Variants in FARP1 observed in about 807,000 individuals in gnomAD.
FARP1 encodes FERM, ARHGEF and pleckstrin domain-containing protein 1.
FARP1 carries 52 observed loss-of-function variants against 128.8 expected under a neutral mutation model. The observed-to-expected ratio is 0.40, with a 90% CI of 0.32 to 0.51. FARP1 has a LOEUF of 0.51. FARP1 is among the 20% of genes least tolerant of loss of function. The probability of loss-of-function intolerance (pLI) is 0.45; values close to 1 mark genes in which losing one functional copy is unlikely to be tolerated. For synonymous variants in FARP1, 580 were observed against 551.8 expected, an observed-to-expected ratio of 1.05 and a Z score of -0.72; for missense variants, 1,333 against 1,367.9, an observed-to-expected ratio of 0.97 and a Z score of 0.40.
chr13:98,338,086 C>T (rs773769270), intron 2 of FARP1, among the ~76,000 whole-genome samples: 97 of 152,120 alleles, frequency 6.4e-4, no homozygotes, highest in Admixed American at 2.2e-3. Context: ...AGCCCTGTTC[C>T]TCAACTACTT....
chr13:98,171,802 A>AG (rs1178038816), intron 1 of FARP1, among the ~76,000 whole-genome samples: 4 of 152,180 alleles, frequency 2.6e-5, no homozygotes, highest in Non-Finnish European at 5.9e-5. Context: ...CCCACCAATG[A>AG]GGTAGCCTCT....
At chr13:98,239,440 A>G (rs773261921) in intron 2 of FARP1, among the ~76,000 whole-genome samples, 2 of 152,202 alleles carry the variant, frequency 1.3e-5, no homozygotes, top group Non-Finnish European at 2.9e-5. Context: ...GTGCGTTGAC[A>G]AAGATGTTGT....
chr13:98,250,769 A>C (rs1342338365), intron 2 of FARP1, among the ~76,000 whole-genome samples: 1 of 152,166 alleles, frequency 6.6e-6, no homozygotes, highest in East Asian at 1.9e-4. Context: ...CACTACCAGT[A>C]TGGGCCACTC....
intron 13 of FARP1, chr13:98,407,566 A>G (rs1891030816): frequency 6.6e-6 from 1 of 152,162 alleles, no homozygotes; most frequent in Non-Finnish European, 1.5e-5. Context: ...GTCTAACACA[A>G]GGCTTCATGT....
Position 98,450,585 on chromosome 13 carries a change from C to G in FARP1, c.*2268C>G, listed in dbSNP as rs950445122. ...AAAAACGCAGGAGCTACCAGCCACC[C>G]AGTCCACGGCCCTCGTCTCCCAGAG... On this transcript the variant is annotated 3_prime_UTR_variant, in exon 27 of 27. Coordinates refer to ENST00000319562, the MANE Select transcript of FARP1 (RefSeq NM_005766.4). 1 of 152,468 alleles carries G rather than the reference C, an allele frequency of 6.6e-6. No individual in the cohort carries two copies. Among genetic ancestry groups the G allele is most frequent in the East Asian group, 1.9e-4 (1 of 5,204 alleles). The allele number at this position is 152,468 out of a possible 1,614,324, so 9.4% of individuals were successfully genotyped here.
At chr13:98,276,262 G>T (rs1301755640) in intron 2 of FARP1, among the ~76,000 whole-genome samples, 1 of 152,178 alleles carries the variant, frequency 6.6e-6, no homozygotes, top group Non-Finnish European at 1.5e-5. Flanking sequence ...GTGTTGTAGA[G>T]TCTCTGAAAA....
chr13:98,164,711 G>A (rs1257468468), intron 1 of FARP1, among the ~76,000 whole-genome samples: 1 of 152,154 alleles, frequency 6.6e-6, no homozygotes, highest in East Asian at 1.9e-4. Context: ...CATCTAATGT[G>A]TAAATATGTG....
intron 16 of FARP1, among the ~76,000 whole-genome samples, chr13:98,422,505 G>A (rs1162108230): frequency 1.3e-5 from 2 of 152,150 alleles, no homozygotes; most frequent in African/African-American, 4.8e-5. Context: ...TGGGGAGCCT[G>A]GGGGTGCTCT....
intron 1 of FARP1, among the ~76,000 whole-genome samples, chr13:98,158,961 T>C (rs567854285): frequency 6.6e-6 from 1 of 152,292 alleles, no homozygotes; most frequent in South Asian, 2.1e-4. Flanking sequence ...TTCCCTGGCA[T>C]AATTTTGGGC....
intron 9 of FARP1, among the ~76,000 whole-genome samples, 164 bp downstream of exon 9, chr13:98,388,642 C>T (rs1890189787): frequency 6.6e-6 from 1 of 152,196 alleles, no homozygotes; most frequent in Non-Finnish European, 1.5e-5. Context: ...CAGATGTATC[C>T]AAATGGTCGG....
intron 3 of FARP1, among the ~76,000 whole-genome samples, chr13:98,362,485 T>C (rs2139953482): frequency 6.6e-6 from 1 of 152,298 alleles, no homozygotes; most frequent in South Asian, 2.1e-4. Flanking sequence ...GACACTGTCA[T>C]CCCATGATGT....
At chr13:98,191,404 A>G (rs1432530422) in intron 1 of FARP1, among the ~76,000 whole-genome samples, 6 of 152,192 alleles carry the variant, frequency 3.9e-5, no homozygotes, top group Non-Finnish European at 7.3e-5. Context: ...TCGTGGTGAA[A>G]TGGGCTTTCC....
intron 2 of FARP1, among the ~76,000 whole-genome samples, chr13:98,330,372 G>A (rs1365089675): frequency 1.3e-5 from 2 of 152,184 alleles, no homozygotes; most frequent in East Asian, 3.8e-4. Flanking sequence ...GCTGACTTGA[G>A]AAGCTATTTG....
intron 6 of FARP1, among the ~76,000 whole-genome samples, chr13:98,380,306 G>A (rs1889841911): frequency 6.6e-6 from 1 of 151,880 alleles, no homozygotes; most frequent in Admixed American, 6.6e-5. Flanking sequence ...AATTAGCTGG[G>A]TGTGGTGGCG....
intron 2 of FARP1, among the ~76,000 whole-genome samples, chr13:98,237,971 G>A (rs974769943): frequency 6.6e-6 from 1 of 151,214 alleles, no homozygotes; most frequent in Non-Finnish European, 1.5e-5. Flanking sequence ...CTTGCTCTAA[G>A]AAAGTCATAC....
intron 8 of FARP1, 84 bp downstream of exon 8, chr13:98,385,898 G>T: frequency 7.1e-7 from 1 of 1,405,556 alleles, no homozygotes; most frequent in South Asian, 1.2e-5. Flanking sequence ...ATATTCAGTG[G>T]GCTAAGACCT....
At chr13:98,269,779 A>G (rs573322398) in intron 2 of FARP1, among the ~76,000 whole-genome samples, 1 of 152,322 alleles carries the variant, frequency 6.6e-6, no homozygotes, top group African/African-American at 2.4e-5. Flanking sequence ...GTCAGCGAAG[A>G]TGTTGGTTCA....
intron 2 of FARP1, among the ~76,000 whole-genome samples, chr13:98,305,129 T>TA (rs1886088069): frequency 2.0e-5 from 3 of 149,852 alleles, no homozygotes; most frequent in South Asian, 2.1e-4. Flanking sequence ...TTTTTTAATT[T>TA]ATTTATTTTT....
rs56376512 is a variant in FARP1 at position 98,349,672 on chromosome 13, G to GAA, written c.276+5835_276+5836dup. ...GCGACAGAGCAAGACCCATCTCAGG[G>GAA]AAAAAAAAAAAAAAAAAAAAAAAAA... On this transcript the variant is annotated intron_variant, in intron 3 of 26. Coordinates refer to ENST00000319562, the MANE Select transcript of FARP1 (RefSeq NM_005766.4). 3.1e-3 allele frequency among the ~76,000 whole-genome samples: 187 copies of GAA among 59,790 alleles called. 9 individuals carry two copies. The highest frequency in any genetic ancestry group is 7.8e-3 in the East Asian group (8 of 1,022). 39.2% of individuals were successfully genotyped at this position (59,790 alleles called of 152,430 possible).
Sources: allele counts gnomAD v4.1 joint callset (sites outside exome capture counted in the v4.1 genomes callset), GRCh38; gene constraint gnomAD v4.1.1; transcripts MANE v1.5; gene names NCBI Gene and HGNC (gene_info 2026-07-23, HGNC 2026-07-21).